Variants in ANGPT1 observed in about 807,000 individuals in gnomAD.
The protein encoded by ANGPT1 is angiopoietin 1, also known as angiopoietin-1.
ANGPT1 carries 17 observed loss-of-function variants against 62.2 expected under a neutral mutation model. The observed-to-expected ratio is 0.27, with a 90% confidence interval of 0.19 to 0.41. ANGPT1 has a LOEUF of 0.41. Ranked by LOEUF, ANGPT1 falls within the 10% of genes least tolerant of loss-of-function variation. The pLI is 1.00. For missense variants in ANGPT1, 478 were observed against 594.9 expected (o/e 0.80, Z 2.04); for synonymous variants, 199 against 198.9 (o/e 1.00, Z 0.00).
At chr8:107,435,684 C>T (rs1196871279) in intron 1 of ANGPT1, among the ~76,000 whole-genome samples, 2 of 152,154 alleles carry the variant, frequency 1.3e-5, no homozygotes, top group African/African-American at 4.8e-5. Flanking sequence ...GATTGTTTCT[C>T]ATATTTACTA....
At chr8:107,277,828 T>C (rs959528952) in intron 7 of ANGPT1, among the ~76,000 whole-genome samples, 6 of 152,054 alleles carry the variant, frequency 3.9e-5, no homozygotes, top group Non-Finnish European at 7.4e-5. Flanking sequence ...ATGTAATTGA[T>C]AGATGAGTGG....
At chr8:107,398,500 A>ATTTTT (rs10556477) in intron 1 of ANGPT1, among the ~76,000 whole-genome samples, 1 of 132,764 alleles carries the variant, frequency 7.5e-6, no homozygotes, top group Non-Finnish European at 1.6e-5. Context: ...TTTCTTTTCT[A>ATTTTT]TTTTTTTTTT....
At chr8:107,263,558 C>T (rs928226872) in intron 8 of ANGPT1, among the ~76,000 whole-genome samples, 3 of 151,934 alleles carry the variant, frequency 2.0e-5, no homozygotes, top group Non-Finnish European at 2.9e-5. Flanking sequence ...TGATGCATTA[C>T]ATCACTGAAG....
intron 7 of ANGPT1, among the ~76,000 whole-genome samples, chr8:107,267,474 G>A (rs1813640447): frequency 6.6e-6 from 1 of 151,972 alleles, no homozygotes; most frequent in Non-Finnish European, 1.5e-5. Context: ...TGCTATGTTA[G>A]GCTATCAGTA....
At chr8:107,431,549 C>G (rs898598250) in intron 1 of ANGPT1, among the ~76,000 whole-genome samples, 1 of 152,172 alleles carries the variant, frequency 6.6e-6, no homozygotes, top group African/African-American at 2.4e-5. Context: ...ATGCCCTCTT[C>G]CAGGAATGTC....
intron 1 of ANGPT1, among the ~76,000 whole-genome samples, chr8:107,450,207 GTAAT>G (rs774850235): frequency 5.9e-5 from 9 of 152,000 alleles, no homozygotes; most frequent in Admixed American, 3.3e-4. Context: ...TTTTTAAAAA[GTAAT>G]TTTAAAGCCA....
chr8:107,393,910 C>A (rs1816884328), intron 1 of ANGPT1, among the ~76,000 whole-genome samples: 1 of 152,136 alleles, frequency 6.6e-6, no homozygotes, highest in Non-Finnish European at 1.5e-5. Flanking sequence ...CCTGCTAAGA[C>A]AAAACAAAAG....
In ANGPT1 at chr8:107,470,082, T is replaced by C. The variant is rs1812309844; in HGVS notation, c.297+27180A>G. ...TTATAGAATAGAGGCATCAAAACCATATCCATATTCACAAAACAAAATGCT... is the reference window on the plus strand; with the variant it reads ...TTATAGAATAGAGGCATCAAAACCACATCCATATTCACAAAACAAAATGCT... On this transcript the variant is annotated intron_variant, in intron 1 of 8. Coordinates refer to ENST00000517746, the MANE Select transcript of ANGPT1 (RefSeq NM_001146.5). Among the ~76,000 whole-genome samples, 6 of 152,094 alleles carry C rather than the reference T, an allele frequency of 3.9e-5. No individual in the cohort carries two copies. In the South Asian group the frequency reaches 1.2e-3, roughly 31 times the overall value.
At chr8:107,473,608 T>C (rs1424630388) in intron 1 of ANGPT1, among the ~76,000 whole-genome samples, 1 of 152,118 alleles carries the variant, frequency 6.6e-6, no homozygotes, top group Non-Finnish European at 1.5e-5. Context: ...GAGCTTTACT[T>C]TTTCAGTAGG....
intron 6 of ANGPT1, among the ~76,000 whole-genome samples, chr8:107,291,558 C>A (rs546388521): frequency 6.6e-6 from 1 of 151,834 alleles, no homozygotes; most frequent in African/African-American, 2.4e-5. Context: ...ATTACAGGCA[C>A]GTGCCACCAC....
intron 7 of ANGPT1, among the ~76,000 whole-genome samples, chr8:107,282,506 A>G (rs1814034307): frequency 7.0e-6 from 1 of 142,272 alleles, no homozygotes; most frequent in Non-Finnish European, 1.5e-5. Flanking sequence ...GAGTTCATAT[A>G]TATTATATAT....
At chr8:107,256,080 T>C (rs1813350474) in intron 8 of ANGPT1, among the ~76,000 whole-genome samples, 1 of 152,218 alleles carries the variant, frequency 6.6e-6, no homozygotes, top group Non-Finnish European at 1.5e-5. Flanking sequence ...TCAAGGAGTT[T>C]GAAATGTTCA....
chr8:107,284,851 G>C lies in ANGPT1; in HGVS notation c.1039-3C>G, dbSNP rs751286691. On this transcript the variant is annotated splice_region_variant and splice_polypyrimidine_tract_variant and intron_variant, in intron 6 of 8. Coordinates refer to ENST00000517746, the MANE Select transcript of ANGPT1 (RefSeq NM_001146.5). Reference sequence around the variant, plus strand: ...TCACCGGAGGGATTTCCAAAACCCTGGGAAACAATATAGAGATGCAGTTGT... The same window carrying C: ...TCACCGGAGGGATTTCCAAAACCCTCGGAAACAATATAGAGATGCAGTTGT... 1 of 1,592,286 alleles carries C rather than the reference G, an allele frequency of 6.3e-7. No individual in the cohort carries two copies. The highest frequency in any genetic ancestry group is 8.6e-7 in the Non-Finnish European group (1 of 1,166,534).
intron 7 of ANGPT1, among the ~76,000 whole-genome samples, chr8:107,276,678 C>T (rs1039723008): frequency 1.3e-5 from 2 of 151,924 alleles, no homozygotes; most frequent in African/African-American, 4.8e-5. Flanking sequence ...GCCTTACCTC[C>T]TCATTTTACT....
At chr8:107,281,170 CTTTCT>C (rs1387176264) in intron 7 of ANGPT1, among the ~76,000 whole-genome samples, 1 of 152,074 alleles carries the variant, frequency 6.6e-6, no homozygotes, top group Non-Finnish European at 1.5e-5. Flanking sequence ...ATTCACAACA[CTTTCT>C]TTTAATTAAT....
chr8:107,458,695 AAT>A (rs1302213117), intron 1 of ANGPT1, among the ~76,000 whole-genome samples: 1 of 152,074 alleles, frequency 6.6e-6, no homozygotes, highest in East Asian at 1.9e-4. Flanking sequence ...GTGAACTCTA[AAT>A]ATCAGCTTCT....
chr8:107,439,298 C>T (rs1811411782), intron 1 of ANGPT1, among the ~76,000 whole-genome samples: 1 of 152,176 alleles, frequency 6.6e-6, no homozygotes, highest in Non-Finnish European at 1.5e-5. Context: ...TTCTTCTAAC[C>T]TTATTGTCCC....
chr8:107,355,689 A>G (rs1207129994), intron 1 of ANGPT1, among the ~76,000 whole-genome samples: 3 of 152,132 alleles, frequency 2.0e-5, no homozygotes, highest in Admixed American at 2.0e-4. Flanking sequence ...TTCTTGGGCT[A>G]GGTCCTATTT....
intron 7 of ANGPT1, 76 bp from the exon 8 acceptor site, chr8:107,264,427 T>C: frequency 6.6e-7 from 1 of 1,524,470 alleles, no homozygotes; most frequent in Non-Finnish European, 8.8e-7. Context: ...GCTTGTTGAA[T>C]GTTTGCCTTT....
Sources: allele counts gnomAD v4.1 joint callset (sites outside exome capture counted in the v4.1 genomes callset), GRCh38; gene constraint gnomAD v4.1.1; transcripts MANE v1.5; gene names NCBI Gene and HGNC (gene_info 2026-07-23, HGNC 2026-07-21).